Variants in ADAMTS9 observed in about 807,000 individuals in gnomAD.
ADAMTS9 encodes the protein A disintegrin and metalloproteinase with thrombospondin motifs 9.
A neutral mutation model predicts 257.1 loss-of-function variants in ADAMTS9; 107 were observed. That is an observed-to-expected ratio of 0.42 (90% confidence interval 0.36 to 0.49). The LOEUF (loss-of-function observed/expected upper bound fraction) is 0.49. Ranked by LOEUF, ADAMTS9 falls within the 20% of genes least tolerant of loss-of-function variation. The pLI, the probability that ADAMTS9 is intolerant of heterozygous loss-of-function variation, is 0.03. For missense variants in ADAMTS9, 2,353 were observed against 2,469.1 expected (o/e 0.95, Z 1.00); for synonymous variants, 982 against 880.9 (o/e 1.11, Z -2.03).
chr3:64,622,671 A>C, intron 16 of ADAMTS9, 85 bp from the exon 17 acceptor site: 1 of 1,470,296 alleles, frequency 6.8e-7, no homozygotes, highest in South Asian at 1.2e-5. Flanking sequence ...GGATAGGTAG[A>C]GAGTCGCTGT....
chr3:64,677,232 A>G (rs540611431), intron 3 of ADAMTS9, among the ~76,000 whole-genome samples: 1 of 152,272 alleles, frequency 6.6e-6, no homozygotes, highest in East Asian at 1.9e-4. Context: ...AGGGCATGCC[A>G]TAGGGAGAGA....
At chr3:64,532,818 G>A (rs998902900) in intron 38 of ADAMTS9, among the ~76,000 whole-genome samples, 1 of 152,128 alleles carries the variant, frequency 6.6e-6, no homozygotes, top group Non-Finnish European at 1.5e-5. Flanking sequence ...TCGGTTCATA[G>A]AACGAACCGC....
At chr3:64,558,028 A>G (rs1448927219) in intron 30 of ADAMTS9, among the ~76,000 whole-genome samples, 1 of 152,212 alleles carries the variant, frequency 6.6e-6, no homozygotes, top group Admixed American at 6.5e-5. Context: ...GACATGGCTT[A>G]AAGTCTGATA....
At chr3:64,537,426 T>TA (rs756856675) in intron 37 of ADAMTS9, among the ~76,000 whole-genome samples, 3 of 152,008 alleles carry the variant, frequency 2.0e-5, no homozygotes, top group Non-Finnish European at 4.4e-5. Flanking sequence ...TCAATTGCCC[T>TA]AAAAAAAACT....
intron 4 of ADAMTS9, among the ~76,000 whole-genome samples, chr3:64,656,564 A>G (rs919415516): frequency 6.6e-6 from 1 of 152,234 alleles, no homozygotes; most frequent in Non-Finnish European, 1.5e-5. Flanking sequence ...CACACTGGTG[A>G]GTAGAAGAGC....
chr3:64,524,098 G>C (rs2082882340), intron 38 of ADAMTS9, among the ~76,000 whole-genome samples: 1 of 152,144 alleles, frequency 6.6e-6, no homozygotes, highest in African/African-American at 2.4e-5. Context: ...GCTGTCAAAA[G>C]TTAAAACAGG....
intron 2 of ADAMTS9, 40 bp from the exon 3 acceptor site, chr3:64,681,403 T>A: frequency 1.3e-6 from 2 of 1,574,838 alleles, no homozygotes; most frequent in Non-Finnish European, 1.7e-6. Flanking sequence ...TTAACGTAAC[T>A]CAGTCATTGG....
Position 64,661,490 on chromosome 3 carries a change from A to G in ADAMTS9, c.680-2699T>C, listed in dbSNP as rs551258303. On this transcript the variant is annotated intron_variant, in intron 3 of 39. Coordinates refer to ENST00000498707, the MANE Select transcript of ADAMTS9 (RefSeq NM_182920.2). ...TACCTGTATTTTCCCGATGAGGAAA[A>G]TAAGTCTCAAAGAAATTAGCAACTT... Among the ~76,000 whole-genome samples the G allele has an allele frequency of 2.3e-4, 35 of 152,304 alleles. 1 individual carries two copies. In the South Asian group the frequency reaches 7.0e-3, roughly 31 times the overall value.
intron 27 of ADAMTS9, among the ~76,000 whole-genome samples, 174 bp from the exon 28 acceptor site, chr3:64,594,608 C>T (rs1358300213): frequency 1.3e-5 from 2 of 152,200 alleles, no homozygotes; most frequent in African/African-American, 4.8e-5. Flanking sequence ...CCAAGACTCT[C>T]CTACTTTAAT....
chr3:64,671,179 G>A (rs961550901), intron 3 of ADAMTS9, among the ~76,000 whole-genome samples: 1 of 152,142 alleles, frequency 6.6e-6, no homozygotes, highest in Non-Finnish European at 1.5e-5. Context: ...CCATTCAGTG[G>A]AATACAGCTC....
chr3:64,541,688 G>A, intron 33 of ADAMTS9, 68 bp from the exon 34 acceptor site: 1 of 1,554,288 alleles, frequency 6.4e-7, no homozygotes, highest in South Asian at 1.1e-5. Context: ...CCTATAGAAT[G>A]AATGACATTG....
intron 6 of ADAMTS9, 106 bp from the exon 7 acceptor site, chr3:64,654,718 G>T (rs920138833): frequency 1.4e-5 from 18 of 1,303,430 alleles, no homozygotes; most frequent in Non-Finnish European, 1.9e-5. Context: ...ACACTTTGGG[G>T]TGGGGGTTAA....
chr3:64,537,621 T>C (rs1279159438), intron 37 of ADAMTS9, among the ~76,000 whole-genome samples: 1 of 152,226 alleles, frequency 6.6e-6, no homozygotes, highest in African/African-American at 2.4e-5. Context: ...TGTGTTTGTC[T>C]TCGGACGTTC....
intron 37 of ADAMTS9, among the ~76,000 whole-genome samples, chr3:64,536,998 A>G (rs576285784): frequency 6.6e-6 from 1 of 152,270 alleles, no homozygotes; most frequent in East Asian, 1.9e-4. Context: ...TGAACCACCT[A>G]CTCCGAAGCA....
intron 3 of ADAMTS9, among the ~76,000 whole-genome samples, chr3:64,676,276 G>A (rs763851561): frequency 3.9e-5 from 6 of 152,148 alleles, no homozygotes; most frequent in Non-Finnish European, 7.3e-5. Context: ...TTGGTCTCCA[G>A]TGACAAGTTC....
At chr3:64,670,101 C>T (rs1210541624) in intron 3 of ADAMTS9, among the ~76,000 whole-genome samples, 2 of 148,834 alleles carry the variant, frequency 1.3e-5, no homozygotes, top group Non-Finnish European at 3.0e-5. Context: ...GAATCTCATA[C>T]TATTAATACC....
At chr3:64,598,894 T>C (rs1039666367) in intron 26 of ADAMTS9, among the ~76,000 whole-genome samples, 2 of 152,184 alleles carry the variant, frequency 1.3e-5, no homozygotes, top group Non-Finnish European at 2.9e-5. Context: ...CCTGTGTCCC[T>C]ATTACCTTCC....
In ADAMTS9 at chr3:64,582,027, GA is replaced by G. The variant is rs1282804181; in HGVS notation, c.4356+12230del. Among the ~76,000 whole-genome samples the G allele has an allele frequency of 2.6e-5, 4 of 152,238 alleles. No individual in the cohort carries two copies. In the South Asian group the frequency reaches 8.3e-4, roughly 32 times the overall value. On this transcript the variant is annotated intron_variant, in intron 28 of 39. Transcript: ENST00000498707. ...ATGACCTTTTTAAAGGAAAAGAATT[GA>G]GATTGATTTTCCTTCTGGGACCAAG...
rs534074855 is a variant in ADAMTS9, at chr3:64,664,708, G to T, written c.680-5917C>A. ...ATTTGGGTGGACATTCAACCCAACT[G>T]AATAAGAACATTGCTGCTATGAACA... On this transcript the variant is annotated intron_variant, in intron 3 of 39. Transcript: ENST00000498707. Among the ~76,000 whole-genome samples, 15 of 152,252 alleles carry T rather than the reference G, an allele frequency of 9.9e-5. No homozygotes were observed. The South Asian group carries it at 3.1e-3, about 32-fold the overall frequency.
Sources: gnomAD v4.1 joint callset for allele counts (sites outside exome capture counted in the v4.1 genomes callset) on GRCh38, gnomAD v4.1.1 for gene constraint, MANE v1.5 for transcripts, NCBI Gene and HGNC (gene_info 2026-07-23, HGNC 2026-07-21) for gene names.